Variants in CARMIL1 observed in about 807,000 individuals in gnomAD.
The protein encoded by CARMIL1 is F-actin-uncapping protein LRRC16A.
In CARMIL1, 90 loss-of-function variants were observed where a neutral mutation model predicts 177.1. The observed-to-expected ratio is 0.51, with a 90% confidence interval of 0.43 to 0.61. The LOEUF is 0.61. Among genes scored for constraint, CARMIL1 ranks in the 20% least tolerant of loss-of-function variants. The pLI, the probability that CARMIL1 is intolerant of heterozygous loss-of-function variation, is 0.00. For missense variants in CARMIL1, 1,380 were observed against 1,667.0 expected, an observed-to-expected ratio of 0.83 and a Z score of 3.00; for synonymous variants, 577 against 606.2, an observed-to-expected ratio of 0.95 and a Z score of 0.71.
At chr6:25,536,196 A>T (rs1210121578) in intron 24 of CARMIL1, among the ~76,000 whole-genome samples, 1 of 152,140 alleles carries the variant, frequency 6.6e-6, no homozygotes, top group East Asian at 1.9e-4. Context: ...ATTCTTGGTA[A>T]GATATGAATT....
intron 5 of CARMIL1, among the ~76,000 whole-genome samples, chr6:25,437,164 A>G (rs1202116388): frequency 1.3e-5 from 2 of 152,180 alleles, no homozygotes; most frequent in African/African-American, 4.8e-5. Context: ...GACTTTGTAC[A>G]TGTGTTTCTT....
chr6:25,560,994 T>C (rs1032701910), intron 29 of CARMIL1, among the ~76,000 whole-genome samples: 5 of 152,218 alleles, frequency 3.3e-5, no homozygotes, highest in Non-Finnish European at 5.9e-5. Flanking sequence ...TCTCTATATG[T>C]TATTTTGTTG....
chr6:25,615,022 AG>A (rs1816786353), intron 36 of CARMIL1, among the ~76,000 whole-genome samples: 2 of 152,262 alleles, frequency 1.3e-5, no homozygotes, highest in African/African-American at 4.8e-5. Flanking sequence ...TAATTTTTAC[AG>A]GATCTTCAAT....
intron 8 of CARMIL1, among the ~76,000 whole-genome samples, chr6:25,458,228 A>G (rs2150890088): frequency 6.6e-6 from 1 of 152,270 alleles, no homozygotes; most frequent in Middle Eastern, 3.4e-3. Flanking sequence ...ACTTTGTATT[A>G]TAAAATAGCC....
chr6:25,300,328 G>A (rs749323369), intron 2 of CARMIL1, among the ~76,000 whole-genome samples: 2 of 152,090 alleles, frequency 1.3e-5, no homozygotes, highest in Non-Finnish European at 2.9e-5. Flanking sequence ...TCAATATTTG[G>A]TCCTGAGAAA....
intron 29 of CARMIL1, chr6:25,563,176 ACTCAGTCTTACTTTTCCTCCCTTAGAAAC>A: frequency 1.0e-6 from 1 of 969,536 alleles, no homozygotes; most frequent in Non-Finnish European, 1.2e-6. Context: ...ATTTCTCTAA[ACTCAGTCTTACTTTTCCTCCCTTAGAAAC>A]CTCATGCTTT....
chr6:25,356,304 G>A (rs9461143), intron 2 of CARMIL1, among the ~76,000 whole-genome samples: 8,905 of 152,042 alleles, frequency 0.059, 578 homozygotes, highest in African/African-American at 0.15. Flanking sequence ...TGATCCACCC[G>A]CCTCGGCCTC....
chr6:25,539,412 G>T (rs777909637), intron 25 of CARMIL1, among the ~76,000 whole-genome samples: 5 of 152,012 alleles, frequency 3.3e-5, no homozygotes, highest in Non-Finnish European at 7.4e-5. Flanking sequence ...TTTGGTGACA[G>T]AAGTGTTGTG....
At chr6:25,293,820 C>G (rs1207477070) in intron 2 of CARMIL1, among the ~76,000 whole-genome samples, 1 of 152,100 alleles carries the variant, frequency 6.6e-6, no homozygotes, top group Non-Finnish European at 1.5e-5. Flanking sequence ...CACCCAGGCT[C>G]AAGTGATCCT....
chr6:25,582,180 A>C (rs886436194), intron 31 of CARMIL1, among the ~76,000 whole-genome samples: 1 of 152,024 alleles, frequency 6.6e-6, no homozygotes, highest in East Asian at 1.9e-4. Context: ...TCCCAAGGTC[A>C]CTCCAGACCA....
chr6:25,473,184 C>T (rs753280619), intron 11 of CARMIL1, among the ~76,000 whole-genome samples: 5 of 152,152 alleles, frequency 3.3e-5, no homozygotes, highest in Non-Finnish European at 5.9e-5. Flanking sequence ...TTAAACAGTT[C>T]ACCTGACTGC....
chr6:25,377,341 G>A (rs777875303), intron 2 of CARMIL1, among the ~76,000 whole-genome samples: 1 of 152,214 alleles, frequency 6.6e-6, no homozygotes, highest in Non-Finnish European at 1.5e-5. Flanking sequence ...GAAATGGGAA[G>A]TTCTGGGACT....
intron 2 of CARMIL1, among the ~76,000 whole-genome samples, chr6:25,414,230 A>T (rs1795176138): frequency 6.6e-6 from 1 of 152,222 alleles, no homozygotes; most frequent in Non-Finnish European, 1.5e-5. Flanking sequence ...ATCAGGTTTA[A>T]GTGGCAGAGC....
At chr6:25,530,130 A>G (rs1353803492) in intron 24 of CARMIL1, among the ~76,000 whole-genome samples, 3 of 152,082 alleles carry the variant, frequency 2.0e-5, no homozygotes, top group African/African-American at 7.2e-5. Context: ...GATCAGAATG[A>G]GTGGGCAAAA....
intron 2 of CARMIL1, among the ~76,000 whole-genome samples, chr6:25,330,435 A>G (rs1368825564): frequency 1.3e-5 from 2 of 152,166 alleles, no homozygotes; most frequent in African/African-American, 4.8e-5. Flanking sequence ...GGGAGAGATG[A>G]TCAGATTTCC....
At chr6:25,492,756 C>A (rs918605355) in intron 15 of CARMIL1, among the ~76,000 whole-genome samples, 1 of 151,798 alleles carries the variant, frequency 6.6e-6, no homozygotes, top group African/African-American at 2.4e-5. Context: ...TTTTAAAGGC[C>A]TTATATATTT....
chr6:25,496,223 A>G (rs958781584), intron 16 of CARMIL1, among the ~76,000 whole-genome samples: 6 of 152,276 alleles, frequency 3.9e-5, no homozygotes, highest in East Asian at 1.9e-4. Context: ...CACGCCTGTA[A>G]TCTCAGCACT....
chr6:25,303,642 G>A (rs1228467351), intron 2 of CARMIL1, among the ~76,000 whole-genome samples: 5 of 152,220 alleles, frequency 3.3e-5, no homozygotes, highest in Non-Finnish European at 2.9e-5. Context: ...AGTTATTTTA[G>A]TGTGTTATCT....
intron 9 of CARMIL1, 149 bp from the exon 10 acceptor site, chr6:25,471,020 C>G (rs139647609): frequency 3.2e-5 from 15 of 467,124 alleles, no homozygotes; most frequent in Non-Finnish European, 5.3e-5. Flanking sequence ...ATCTTCATCA[C>G]GATGGTGCGT....
Sources: allele counts gnomAD v4.1 joint callset (sites outside exome capture counted in the v4.1 genomes callset), GRCh38; gene constraint gnomAD v4.1.1; transcripts MANE v1.5; gene names NCBI Gene and HGNC (gene_info 2026-07-23, HGNC 2026-07-21).